DYNC2H1: variants seen among roughly 807,000 people sequenced by gnomAD.
DYNC2H1 encodes cytoplasmic dynein 2 heavy chain 1.
DYNC2H1 carries 410 observed loss-of-function variants against 570.0 expected under a neutral mutation model. That is an observed-to-expected ratio of 0.72 (90% CI 0.66 to 0.78). DYNC2H1 has a LOEUF of 0.78. Ranked by LOEUF, DYNC2H1 falls within the 30% of genes least tolerant of loss-of-function variation. The pLI, the probability that DYNC2H1 is intolerant of heterozygous loss-of-function variation, is 0.00. For missense variants in DYNC2H1, 4,865 were observed against 5,046.4 expected (o/e 0.96, Z 1.09); for synonymous variants, 1,688 against 1,677.6 (o/e 1.01, Z -0.15).
chr11:103,196,097 TG>T (rs1591391948), intron 47 of DYNC2H1, among the ~76,000 whole-genome samples: 2 of 152,148 alleles, frequency 1.3e-5, no homozygotes, highest in East Asian at 1.9e-4. Flanking sequence ...TTTGGTGTTT[TG>T]TTTTGTTTTA....
In DYNC2H1 at chr11:103,148,609, A is replaced by G. The variant is rs751012066; in HGVS notation, c.2938A>G (p.Lys980Glu). ...ACAATATAGTAAGTTACAAGAACGG[A>G]AGCCAGAGGTGAGAATCACAAAGTA... is the stretch of plus-strand genomic sequence containing the variant. ...NLQYSKLQER[K>E]PEILPLFQEA... The change falls in exon 20 of 89, where the codon AAG becomes GAG. Residue 980 changes from lysine to glutamate, a missense_variant. Around this residue, in one of 5 missense-constraint regions of DYNC2H1, gnomAD observed 1,936 missense variants for 1,962.1 expected, o/e 0.99. Coordinates refer to ENST00000375735, the MANE Select transcript of DYNC2H1 (RefSeq NM_001377.3). 5.8e-6 allele frequency: 9 copies of G among 1,564,290 alleles called. No homozygotes were observed. Among genetic ancestry groups the G allele is most frequent in the Non-Finnish European group, 7.8e-6 (9 of 1,154,122 alleles).
rs746534063 is a variant in DYNC2H1, at chr11:103,153,474, T to C, written c.3268T>C (p.Phe1090Leu). 4 of 1,567,200 alleles carry C rather than the reference T, an allele frequency of 2.6e-6. No individual in the cohort carries two copies. Among genetic ancestry groups the C allele is most frequent in the South Asian group, 1.2e-5 (1 of 81,586 alleles). Reference protein sequence around the residue: ...AKLIKEKKIEFDDLEVTRKKL... With the variant: ...AKLIKEKKIELDDLEVTRKKL... ...GTTAATAAAAGAGAAAAAAATTGAG[T>C]TTGATGATCTTGAAGTCACAAGAAA... Residue 1090 changes from phenylalanine to leucine, a missense_variant, in exon 22 of 89, where the codon TTT becomes CTT. Physicochemically the swap from Phe to Leu is conservative, Grantham distance 22. Transcript: ENST00000375735.
intron 82 of DYNC2H1, among the ~76,000 whole-genome samples, chr11:103,352,545 AC>A (rs1940103597): frequency 6.6e-6 from 1 of 152,168 alleles, no homozygotes; most frequent in African/African-American, 2.4e-5. Context: ...GTAACATTTT[AC>A]CAATTTCTAA....
intron 42 of DYNC2H1, 128 bp from the exon 43 acceptor site, chr11:103,187,212 C>T: frequency 7.7e-7 from 1 of 1,305,862 alleles, no homozygotes; most frequent in Non-Finnish European, 1.0e-6. Flanking sequence ...CTGTATTTAC[C>T]ATTTTTCCTA....
chr11:103,277,726 G>C lies in DYNC2H1; in HGVS notation c.10696-2622G>C, dbSNP rs1443029725. ...GCCTCGACTCTTACCAGGTAACCTA[G>C]TGACATCATGATTAGTTCTGTTGTT... On this transcript the variant is annotated intron_variant, in intron 70 of 88. Coordinates refer to ENST00000375735, the MANE Select transcript of DYNC2H1 (RefSeq NM_001377.3). This position sits in a 1 kb window ranked among gnomAD's most constrained non-coding sequence, Gnocchi z 4.3. 6.6e-6 allele frequency among the ~76,000 whole-genome samples: 1 copy of C among 152,182 alleles called. No homozygotes were observed. The highest frequency in any genetic ancestry group is 1.9e-4 in the East Asian group (1 of 5,190).
At chr11:103,175,661 T>G (rs894075028) in intron 36 of DYNC2H1, among the ~76,000 whole-genome samples, 8 of 152,200 alleles carry the variant, frequency 5.3e-5, no homozygotes, top group Non-Finnish European at 4.4e-5. Flanking sequence ...GAACCAAATT[T>G]GAACAAGGCT....
At position 103,109,642 on chromosome 11, in the gene DYNC2H1, T is replaced by C. The variant is rs969702072; in HGVS notation, c.68T>C (p.Leu23Ser). The C allele has an allele frequency of 1.2e-6, 2 of 1,613,880 alleles. No homozygotes were observed. The highest frequency in any genetic ancestry group is 2.2e-5 in the East Asian group (1 of 44,892). The change falls in exon 1 of 89, where the codon TTG becomes TCG. Residue 23 changes from leucine (L) to serine (S), a missense_variant. Physicochemically the swap from Leu to Ser is moderately radical, Grantham distance 145. Coordinates refer to ENST00000375735, the MANE Select transcript of DYNC2H1 (RefSeq NM_001377.3). ...ACTACTACCCAGAATTACTTCGGGT[T>C]GATGTCTGAACTCTGGGATCAGCCA... ...IFTTTQNYFG[L>S]MSELWDQPLL...
chr11:103,333,872 T>C (rs990714059), intron 82 of DYNC2H1, among the ~76,000 whole-genome samples: 1 of 152,214 alleles, frequency 6.6e-6, no homozygotes, highest in African/African-American at 2.4e-5. Context: ...AATTAGATGT[T>C]GAAAACATCT....
intron 59 of DYNC2H1, among the ~76,000 whole-genome samples, chr11:103,230,406 G>A (rs1035922283): frequency 6.6e-6 from 1 of 152,110 alleles, no homozygotes; most frequent in Non-Finnish European, 1.5e-5. Flanking sequence ...AGAGGATAAG[G>A]TGTCAGTCAT....
chr11:103,461,367 G>A lies in DYNC2H1; in HGVS notation c.12648+5011G>A, dbSNP rs912133575. Among the ~76,000 whole-genome samples the A allele has an allele frequency of 3.3e-5, 5 of 152,012 alleles. No homozygotes were observed. The highest frequency in any genetic ancestry group is 1.2e-4 in the African/African-American group (5 of 41,396). ...CAGTGAGGCTGTAGTTCTCCAAACC[G>A]ATCAATATCTTAAACCCTTTAGACC... On this transcript the variant is annotated intron_variant, in intron 87 of 88. Transcript: ENST00000375735. This position sits in a 1 kb window ranked among gnomAD's most constrained non-coding sequence, Gnocchi z 4.8.
At chr11:103,459,201 T>C (rs371313872) in intron 87 of DYNC2H1, among the ~76,000 whole-genome samples, 22 of 143,806 alleles carry the variant, frequency 1.5e-4, no homozygotes, top group African/African-American at 5.2e-4. Context: ...CCCAGCTACT[T>C]GGGAGGCTGA....
rs1236655115 is a variant in DYNC2H1 at position 103,163,109 on chromosome 11, T to A, written c.4573T>A (p.Ser1525Thr). 1 of 1,613,126 alleles carries A rather than the reference T, an allele frequency of 6.2e-7. No individual in the cohort carries two copies. The highest frequency in any genetic ancestry group is 8.5e-7 in the Non-Finnish European group (1 of 1,179,286). ...GGAATGTGTTACTACTGGGCGAAGTTCTCAAGGTGCAGTTGACCCATCTCT... is the reference window on the plus strand; with the variant it reads ...GGAATGTGTTACTACTGGGCGAAGTACTCAAGGTGCAGTTGACCCATCTCT... ...LKECVTTGRSSQGAVDPSLFP... is the reference protein window; with the variant it reads ...LKECVTTGRSTQGAVDPSLFP... The change falls in exon 30 of 89, where the codon TCT (serine) becomes ACT (threonine). Residue 1525 changes from serine to threonine, a missense_variant. By Grantham distance (58) the Ser-to-Thr change is moderately conservative. Transcript: ENST00000375735. The surrounding 1 kb of genome is among the most constrained non-coding windows in gnomAD (Gnocchi z 4.6).
chr11:103,371,404 G>T (rs181012060), intron 83 of DYNC2H1, among the ~76,000 whole-genome samples: 8 of 152,242 alleles, frequency 5.3e-5, no homozygotes, highest in Admixed American at 4.6e-4. Context: ...GGATAATAAC[G>T]AGAGCTTCTC....
intron 83 of DYNC2H1, among the ~76,000 whole-genome samples, chr11:103,374,176 A>T (rs535725162): frequency 6.6e-6 from 1 of 152,048 alleles, no homozygotes; most frequent in Non-Finnish European, 1.5e-5. Context: ...CACAAATCTC[A>T]TCTTGAATTG....
At position 103,115,204 on chromosome 11, in the gene DYNC2H1, A is replaced by C; in HGVS notation, c.530A>C (p.Gln177Pro). 6.2e-7 allele frequency: 1 copy of C among 1,610,708 alleles called. No individual in the cohort carries two copies. The stretch of plus-strand genomic sequence containing the variant: ...ATCCTTACACCAAGCGATGAGTTCC[A>C]GTTTTGGATAGAACAAGCTCACCGT... ...RGILTPSDEF[Q>P]FWIEQAHRGN... The change falls in exon 4 of 89, where the codon CAG becomes CCG. Residue 177 changes from glutamine to proline, a missense_variant. By Grantham distance (76) the Gln-to-Pro change is moderately conservative. This residue lies in a region of DYNC2H1 where 1,936 missense variants were observed against 1,962.1 expected (regional missense o/e 0.99). Coordinates refer to ENST00000375735, the MANE Select transcript of DYNC2H1 (RefSeq NM_001377.3).
intron 84 of DYNC2H1, among the ~76,000 whole-genome samples, chr11:103,417,187 C>A (rs1943316121): frequency 6.6e-6 from 1 of 152,164 alleles, no homozygotes; most frequent in African/African-American, 2.4e-5. Context: ...TCAAGCCATT[C>A]TCCTACCTCA....
intron 85 of DYNC2H1, among the ~76,000 whole-genome samples, chr11:103,451,942 T>G (rs1185036708): frequency 6.6e-6 from 1 of 152,162 alleles, no homozygotes; most frequent in Non-Finnish European, 1.5e-5. Context: ...TATAAAATCT[T>G]GTATAATATA....
At chr11:103,351,238 C>G (rs993348990) in intron 82 of DYNC2H1, among the ~76,000 whole-genome samples, 5 of 152,118 alleles carry the variant, frequency 3.3e-5, no homozygotes, top group South Asian at 2.1e-4. Context: ...TGACTTGATT[C>G]TTGATGTGGC....
At chr11:103,440,115 T>A (rs1944212337) in intron 85 of DYNC2H1, among the ~76,000 whole-genome samples, 1 of 152,122 alleles carries the variant, frequency 6.6e-6, no homozygotes, top group South Asian at 2.1e-4. Context: ...CCCTTGACCG[T>A]ACACCTGTAA....
Sources: gnomAD v4.1 joint callset for allele counts (sites outside exome capture counted in the v4.1 genomes callset) on GRCh38, gnomAD v4.1.1 for gene constraint, gnomAD v4.1.1 regional missense constraint, Gnocchi (gnomAD v3.1) non-coding constraint, MANE v1.5 for transcripts, NCBI Gene and HGNC (gene_info 2026-07-23, HGNC 2026-07-21) for gene names.